Variants in ARHGAP26 observed in about 807,000 individuals in gnomAD.
The protein encoded by ARHGAP26 is rho GTPase-activating protein 26.
Under a neutral mutation model 104.8 loss-of-function variants are expected in ARHGAP26, and 38 were observed. That is an observed-to-expected ratio of 0.36 (90% confidence interval 0.28 to 0.48). The LOEUF is 0.48. Ranked by LOEUF, ARHGAP26 falls within the 20% of genes least tolerant of loss-of-function variation. ARHGAP26 has a pLI of 0.99. For missense variants in ARHGAP26, 704 were observed against 947.9 expected, an observed-to-expected ratio of 0.74 and a Z score of 3.38; for synonymous variants, 341 against 340.0, an observed-to-expected ratio of 1.00 and a Z score of -0.03.
intron 17 of ARHGAP26, among the ~76,000 whole-genome samples, chr5:143,076,822 C>A (rs1789103567): frequency 6.6e-6 from 1 of 152,224 alleles, no homozygotes; most frequent in African/African-American, 2.4e-5. Context: ...ACTAGTTCAT[C>A]TCTTTAAATG....
Position 143,024,912 on chromosome 5 carries a change from G to C in ARHGAP26, c.1144+10796G>C, listed in dbSNP as rs151037214. ...CCCAGCCTCAAGAATTACTGAGTGT[G>C]TGATTTTGAGAAATTAATTTCTCCA... On this transcript the variant is annotated intron_variant, in intron 12 of 22. Coordinates refer to ENST00000645722, the MANE Select transcript of ARHGAP26 (RefSeq NM_001135608.3). Among the ~76,000 whole-genome samples the C allele has an allele frequency of 8.0e-3, 1,211 of 152,284 alleles. 13 individuals are homozygous for C. Among genetic ancestry groups the C allele is most frequent in the African/African-American group, 0.028 (1,151 of 41,550 alleles).
intron 17 of ARHGAP26, among the ~76,000 whole-genome samples, chr5:143,095,427 A>G (rs1261274301): frequency 1.3e-5 from 2 of 152,162 alleles, no homozygotes; most frequent in East Asian, 1.9e-4. Flanking sequence ...TTTATTAAGG[A>G]CTTCAACAGC....
intron 11 of ARHGAP26, among the ~76,000 whole-genome samples, chr5:142,970,103 G>A (rs1325368324): frequency 6.6e-6 from 1 of 152,206 alleles, no homozygotes; most frequent in Non-Finnish European, 1.5e-5. Context: ...TGAACAGGGT[G>A]CATATAAAGT....
intron 17 of ARHGAP26, among the ~76,000 whole-genome samples, chr5:143,115,363 G>T (rs1019487767): frequency 6.6e-5 from 1 of 15,112 alleles, no homozygotes; most frequent in Non-Finnish European, 1.7e-3. Flanking sequence ...AAAAACGAAA[G>T]AAAGAAAAGA....
intron 17 of ARHGAP26, among the ~76,000 whole-genome samples, chr5:143,080,886 A>G (rs1789708109): frequency 6.6e-6 from 1 of 152,144 alleles, no homozygotes. Flanking sequence ...AGTAGTGCAG[A>G]TGAAAGACAC....
intron 12 of ARHGAP26, among the ~76,000 whole-genome samples, chr5:143,027,001 G>A (rs1160727797): frequency 6.6e-6 from 1 of 152,106 alleles, no homozygotes; most frequent in Non-Finnish European, 1.5e-5. Flanking sequence ...GATATAGGGT[G>A]TGAGAGAAAG....
At chr5:142,954,952 G>A (rs985830650) in intron 11 of ARHGAP26, among the ~76,000 whole-genome samples, 1 of 152,142 alleles carries the variant, frequency 6.6e-6, no homozygotes, top group Non-Finnish European at 1.5e-5. Flanking sequence ...GAGCAAGAGG[G>A]AAACATCTCA....
chr5:143,201,787 A>T (rs1489908134), intron 20 of ARHGAP26, among the ~76,000 whole-genome samples: 1 of 152,236 alleles, frequency 6.6e-6, no homozygotes, highest in Non-Finnish European at 1.5e-5. Context: ...CTGTTGCGAC[A>T]TGCATCTTTG....
intron 17 of ARHGAP26, among the ~76,000 whole-genome samples, chr5:143,086,170 T>C (rs1647625370): frequency 6.6e-6 from 1 of 152,208 alleles, no homozygotes; most frequent in Non-Finnish European, 1.5e-5. Context: ...AGAATGTTTT[T>C]CTCTCCAGAG....
chr5:143,050,645 A>G (rs570941686), intron 14 of ARHGAP26, among the ~76,000 whole-genome samples: 1 of 152,236 alleles, frequency 6.6e-6, no homozygotes, highest in African/African-American at 2.4e-5. Context: ...AAAGGCTTAC[A>G]TAGGATTAAG....
chr5:143,178,081 C>T (rs879871919), intron 20 of ARHGAP26, among the ~76,000 whole-genome samples: 2 of 144,570 alleles, frequency 1.4e-5, no homozygotes, highest in Non-Finnish European at 3.0e-5. Flanking sequence ...TTCACTACAA[C>T]CTCCGCTTCC....
chr5:142,819,208 C>G (rs748706022), intron 1 of ARHGAP26, among the ~76,000 whole-genome samples: 8 of 152,174 alleles, frequency 5.3e-5, no homozygotes, highest in Non-Finnish European at 8.8e-5. Context: ...CCTCAGTTTG[C>G]TTGTCTAACG....
At position 143,074,541 on chromosome 5, in the gene ARHGAP26, C is replaced by T. The variant is rs538827393; in HGVS notation, c.1538+16794C>T. Among the ~76,000 whole-genome samples, 34 of 152,296 alleles carry T rather than the reference C, an allele frequency of 2.2e-4. 2 individuals carry two copies. In the South Asian group the frequency reaches 6.8e-3, roughly 31 times the overall value. Reference sequence around the variant, plus strand: ...CAAAGAAGAGTAATACTTCATGACACATGAACATTATATGAAAGTCAGATC... The same window carrying T: ...CAAAGAAGAGTAATACTTCATGACATATGAACATTATATGAAAGTCAGATC... On this transcript the variant is annotated intron_variant, in intron 17 of 22. Transcript: ENST00000645722.
rs376216546 is a variant in ARHGAP26, at chr5:142,901,920, C to T, written c.598-15C>T. ...ACCTGGTTATGTGACCTTTGCCTTT[C>T]TTCCTTCATTACAGCTGCTGGCCTT... is the stretch of plus-strand genomic sequence containing the variant. On this transcript the variant is annotated splice_polypyrimidine_tract_variant and intron_variant, in intron 6 of 22. Coordinates refer to ENST00000645722, the MANE Select transcript of ARHGAP26 (RefSeq NM_001135608.3). The T allele has an allele frequency of 1.2e-6, 2 of 1,610,682 alleles. No individual in the cohort carries two copies. Among genetic ancestry groups the T allele is most frequent in the Admixed American group, 1.7e-5 (1 of 59,922 alleles).
chr5:143,180,760 C>G (rs1214389655), intron 20 of ARHGAP26, among the ~76,000 whole-genome samples: 1 of 152,138 alleles, frequency 6.6e-6, no homozygotes, highest in Non-Finnish European at 1.5e-5. Context: ...ACCAGTCTCT[C>G]CCTAGACATG....
intron 1 of ARHGAP26, among the ~76,000 whole-genome samples, chr5:142,800,091 A>C (rs1761761528): frequency 1.3e-5 from 2 of 152,216 alleles, no homozygotes; most frequent in African/African-American, 4.8e-5. Flanking sequence ...CATACTTCCC[A>C]TTGTCTGGCA....
At chr5:143,046,761 C>T (rs1214983785) in intron 14 of ARHGAP26, among the ~76,000 whole-genome samples, 1 of 152,206 alleles carries the variant, frequency 6.6e-6, no homozygotes, top group African/African-American at 2.4e-5. Flanking sequence ...GTCTATCTCT[C>T]TTCCTGTCTC....
At chr5:143,011,867 A>C (rs1778803184) in intron 11 of ARHGAP26, among the ~76,000 whole-genome samples, 1 of 152,188 alleles carries the variant, frequency 6.6e-6, no homozygotes, top group Non-Finnish European at 1.5e-5. Flanking sequence ...ATGAATGTTA[A>C]GCATTTCTTT....
At chr5:143,030,274 C>T (rs938642192) in intron 12 of ARHGAP26, among the ~76,000 whole-genome samples, 1 of 152,090 alleles carries the variant, frequency 6.6e-6, no homozygotes, top group South Asian at 2.1e-4. Flanking sequence ...ACCCTCAGGC[C>T]TCAGGCCCCT....
Sources: gnomAD v4.1 joint callset for allele counts (sites outside exome capture counted in the v4.1 genomes callset) on GRCh38, gnomAD v4.1.1 for gene constraint, MANE v1.5 for transcripts, NCBI Gene and HGNC (gene_info 2026-07-23, HGNC 2026-07-21) for gene names.